Variants in GLI3 observed in about 807,000 individuals in gnomAD.
GLI3 encodes the protein transcription activator GLI3.
Under a neutral mutation model 100.8 loss-of-function variants are expected in GLI3, and 20 were observed. The observed-to-expected ratio is 0.20, with a 90% CI of 0.14 to 0.29. The LOEUF is 0.29. GLI3 is among the 10% of genes least tolerant of loss of function. The pLI, the probability that GLI3 is intolerant of heterozygous loss-of-function variation, is 1.00. For missense variants in GLI3, 2,040 were observed against 2,128.5 expected (o/e 0.96, Z 0.82); for synonymous variants, 938 against 860.5 (o/e 1.09, Z -1.58).
chr7:42,235,971 G>A (rs961371739), intron 1 of GLI3, among the ~76,000 whole-genome samples: 26 of 152,256 alleles, frequency 1.7e-4, no homozygotes, highest in African/African-American at 4.6e-4. Flanking sequence ...GATGACCAGC[G>A]GCGGAGGGAG....
intron 10 of GLI3, among the ~76,000 whole-genome samples, chr7:41,992,829 T>C (rs936269170): frequency 2.0e-5 from 3 of 152,160 alleles, no homozygotes; most frequent in Middle Eastern, 3.4e-3. Context: ...CCCAGTAAGT[T>C]TGGGGGGATC....
chr7:42,054,282 A>G (rs767280715), intron 4 of GLI3, among the ~76,000 whole-genome samples: 11 of 152,230 alleles, frequency 7.2e-5, no homozygotes, highest in Non-Finnish European at 1.2e-4. Context: ...AAATATTATT[A>G]TATAATCTAA....
intron 1 of GLI3, among the ~76,000 whole-genome samples, chr7:42,243,231 G>A (rs933267613): frequency 4.6e-5 from 7 of 152,120 alleles, no homozygotes; most frequent in Admixed American, 1.3e-4. Context: ...TTCCAATAGC[G>A]TGGAGCCAAG....
chr7:42,082,673 A>T (rs527895618), intron 3 of GLI3, among the ~76,000 whole-genome samples: 1 of 152,188 alleles, frequency 6.6e-6, no homozygotes, highest in East Asian at 1.9e-4. Context: ...AGAATGAGAC[A>T]TCGTATTTAT....
At chr7:42,077,463 C>T (rs1392175147) in intron 3 of GLI3, among the ~76,000 whole-genome samples, 2 of 151,826 alleles carry the variant, frequency 1.3e-5, no homozygotes, top group Non-Finnish European at 2.9e-5. Flanking sequence ...AATCTATGCC[C>T]TGTCCAGGGA....
At chr7:42,093,607 A>G (rs760472360) in intron 3 of GLI3, among the ~76,000 whole-genome samples, 3 of 152,142 alleles carry the variant, frequency 2.0e-5, no homozygotes, top group Non-Finnish European at 4.4e-5. Context: ...TATGGCTCTT[A>G]AGAATTTGGT....
At chr7:42,031,198 C>T (rs185134691) in intron 7 of GLI3, among the ~76,000 whole-genome samples, 159 of 152,312 alleles carry the variant, frequency 1.0e-3, no homozygotes, top group Admixed American at 1.7e-3. Flanking sequence ...CTGCATTCAA[C>T]AATTAATCTG....
At chr7:42,012,183 T>C (rs1788632693) in intron 10 of GLI3, among the ~76,000 whole-genome samples, 1 of 152,200 alleles carries the variant, frequency 6.6e-6, no homozygotes, top group African/African-American at 2.4e-5. Flanking sequence ...TGATTATGGA[T>C]CACGTCACAA....
chr7:42,179,596 T>G lies in GLI3; in HGVS notation c.125-31128A>C, dbSNP rs186387465. ...AATCCAGGAAAGAGCTGATGGTGGC[T>G]CCTAGGAAGGCAGTGAGCAGGGGGC... On this transcript the variant is annotated intron_variant, in intron 2 of 14. Transcript: ENST00000395925. 2.9e-4 allele frequency among the ~76,000 whole-genome samples: 44 copies of G among 152,246 alleles called. No individual in the cohort carries two copies. In the East Asian group the frequency reaches 7.5e-3, roughly 26 times the overall value.
At chr7:42,240,649 T>A (rs1157522330), upstream of GLI3, among the ~76,000 whole-genome samples, 1 of 152,196 alleles carries the variant, frequency 6.6e-6, no homozygotes, top group Non-Finnish European at 1.5e-5. Flanking sequence ...ACGAGTTATA[T>A]TCTGTTAGAG....
intron 3 of GLI3, among the ~76,000 whole-genome samples, chr7:42,102,999 A>G (rs1785499534): frequency 6.6e-6 from 1 of 152,244 alleles, no homozygotes; most frequent in African/African-American, 2.4e-5. Context: ...AGCAGGTGAA[A>G]ATAGTGAACA....
Position 42,023,601 on chromosome 7 carries a change from G to C in GLI3, c.1364C>G (p.Pro455Arg). Residue 455 changes from proline to arginine, a missense_variant, in exon 10 of 15, where the codon CCC becomes CGC. By Grantham distance (103) the Pro-to-Arg change is moderately radical. Around this residue, in one of 5 missense-constraint regions of GLI3, gnomAD observed 603 missense variants for 690.9 expected, o/e 0.87. Transcript: ENST00000395925. ...SPGARGQQEQ[P>R]EGTTLVKEEG... ...CTCCTTGACAAGGGTTGTTCCTTCG[G>C]GCTGTTCCTGAAAGAAGAGGGTGGG... 6.2e-7 allele frequency: 1 copy of C among 1,613,008 alleles called. No individual in the cohort carries two copies. The highest frequency in any genetic ancestry group is 8.5e-7 in the Non-Finnish European group (1 of 1,179,332).
At chr7:41,999,683 A>C (rs1046773200) in intron 10 of GLI3, among the ~76,000 whole-genome samples, 1 of 152,162 alleles carries the variant, frequency 6.6e-6, no homozygotes, top group Admixed American at 6.5e-5. Flanking sequence ...AGTGGGGGCC[A>C]CTCCTTGGCG....
At chr7:42,120,086 A>T (rs1013195325) in intron 3 of GLI3, among the ~76,000 whole-genome samples, 1 of 152,104 alleles carries the variant, frequency 6.6e-6, no homozygotes, top group African/African-American at 2.4e-5. Flanking sequence ...TTTAAATTTA[A>T]TTTGCGGGGG....
At chr7:42,159,180 G>A (rs886448849) in intron 2 of GLI3, among the ~76,000 whole-genome samples, 1 of 152,156 alleles carries the variant, frequency 6.6e-6, no homozygotes, top group Non-Finnish European at 1.5e-5. Flanking sequence ...TGTGATGAAC[G>A]CTTAGATGCA....
At chr7:42,012,436 T>C (rs1411848199) in intron 10 of GLI3, among the ~76,000 whole-genome samples, 1 of 151,648 alleles carries the variant, frequency 6.6e-6, no homozygotes, top group Non-Finnish European at 1.5e-5. Context: ...AGACACTACA[T>C]TTACTTGAGT....
At chr7:42,056,370 C>T (rs1222330401) in intron 4 of GLI3, among the ~76,000 whole-genome samples, 1 of 152,120 alleles carries the variant, frequency 6.6e-6, no homozygotes, top group Non-Finnish European at 1.5e-5. Context: ...TAGATGTGAC[C>T]TAATGAGTGG....
chr7:42,056,695 A>G (rs2128745449), intron 4 of GLI3, among the ~76,000 whole-genome samples: 1 of 152,200 alleles, frequency 6.6e-6, no homozygotes, highest in Admixed American at 6.5e-5. Context: ...TCGTGCCTAT[A>G]ATCCCAGCAC....
intron 2 of GLI3, among the ~76,000 whole-genome samples, chr7:42,207,584 A>T: frequency 6.6e-6 from 1 of 152,270 alleles, no homozygotes; most frequent in East Asian, 1.9e-4. Context: ...TTTTTTTGGA[A>T]GGAATTTCAT....
Sources: gnomAD v4.1 joint callset for allele counts (sites outside exome capture counted in the v4.1 genomes callset) on GRCh38, gnomAD v4.1.1 for gene constraint, gnomAD v4.1.1 regional missense constraint, MANE v1.5 for transcripts, NCBI Gene and HGNC (gene_info 2026-07-23, HGNC 2026-07-21) for gene names.